EFNA5: variants seen among roughly 807,000 people sequenced by gnomAD.
EFNA5 encodes the protein ephrin-A5.
EFNA5 carries 5 observed loss-of-function variants against 22.9 expected under a neutral mutation model. That is an observed-to-expected ratio of 0.22 (90% confidence interval 0.11 to 0.46). The LOEUF is 0.46. EFNA5 is among the 20% of genes least tolerant of loss of function. The pLI, the probability that EFNA5 is intolerant of heterozygous loss-of-function variation, is 0.99. For synonymous variants in EFNA5, 113 were observed against 112.2 expected (o/e 1.01, Z -0.04); for missense variants, 237 against 293.3 (o/e 0.81, Z 1.40).
chr5:107,439,762 C>T (rs1262647579), intron 1 of EFNA5, among the ~76,000 whole-genome samples: 1 of 152,206 alleles, frequency 6.6e-6, no homozygotes, highest in East Asian at 1.9e-4. Context: ...TGTTATCTCG[C>T]TGTTTTAGCA....
At chr5:107,520,765 T>C (rs573723760) in intron 1 of EFNA5, among the ~76,000 whole-genome samples, 8 of 152,330 alleles carry the variant, frequency 5.3e-5, no homozygotes, top group Non-Finnish European at 7.4e-5. Context: ...CAACCAGATC[T>C]GCCTTAAGCA....
intron 1 of EFNA5, among the ~76,000 whole-genome samples, chr5:107,461,886 C>T (rs1749845371): frequency 6.6e-6 from 1 of 152,108 alleles, no homozygotes; most frequent in African/African-American, 2.4e-5. Context: ...GACAGCTTAA[C>T]TGAGTTATGA....
At chr5:107,590,671 G>C (rs113647360) in intron 1 of EFNA5, among the ~76,000 whole-genome samples, 2,831 of 152,168 alleles carry the variant, frequency 0.019, 93 homozygotes, top group African/African-American at 0.065. Flanking sequence ...AGGATTACAG[G>C]AGTGAGCCAC....
chr5:107,380,267 A>G lies in EFNA5; in HGVS notation c.*988T>C, dbSNP rs1317864251. ...TGCGGTCCTCTCCTTGGTACATGTCATCCCCCAGAGGAGTATCCAAAGCTA... is the reference window on the plus strand; with the variant it reads ...TGCGGTCCTCTCCTTGGTACATGTCGTCCCCCAGAGGAGTATCCAAAGCTA... On this transcript the variant is annotated 3_prime_UTR_variant, in exon 5 of 5. Transcript: ENST00000333274. 6.6e-6 allele frequency: 1 copy of G among 150,386 alleles called. No homozygotes were observed. Among genetic ancestry groups the G allele is most frequent in the Non-Finnish European group, 1.5e-5 (1 of 67,924 alleles). The allele number at this position is 150,386 out of a possible 1,614,324, so 9.3% of individuals were successfully genotyped here. A position where few individuals can be genotyped will look rare whatever the true frequency, so the allele number is the denominator to read the frequency against.
chr5:107,592,632 G>C (rs72660777), intron 1 of EFNA5, among the ~76,000 whole-genome samples: 24,010 of 152,080 alleles, frequency 0.16, 4,830 homozygotes, highest in African/African-American at 0.47. Flanking sequence ...GCACCAGGCC[G>C]CAGTCAGAAC....
chr5:107,382,270 G>A (rs1365833040), intron 4 of EFNA5, among the ~76,000 whole-genome samples: 2 of 152,354 alleles, frequency 1.3e-5, no homozygotes, highest in East Asian at 1.9e-4. Context: ...ACCAAAGAGA[G>A]GTTGGAGGCT....
chr5:107,597,261 C>T (rs1463361149), intron 1 of EFNA5, among the ~76,000 whole-genome samples: 2 of 152,140 alleles, frequency 1.3e-5, no homozygotes, highest in East Asian at 1.9e-4. Flanking sequence ...ATCTACATAC[C>T]ATAAGGTATG....
rs539674606 is a variant in EFNA5 at position 107,631,071 on chromosome 5, TGTTTTGCA to T, written c.125+39410_125+39417del. Among the ~76,000 whole-genome samples, 61 of 152,258 alleles carry T rather than the reference TGTTTTGCA, an allele frequency of 4.0e-4. 2 individuals are homozygous for T. The East Asian group carries it at 0.011, about 28-fold the overall frequency. ...ACCTTCTCAAGGACCTGCCTGAGGC[TGTTTTGCA>T]GTTAACTTTTTTTATATGTGAGTAC... On this transcript the variant is annotated intron_variant, in intron 1 of 4. Coordinates refer to ENST00000333274, the MANE Select transcript of EFNA5 (RefSeq NM_001962.3).
intron 1 of EFNA5, among the ~76,000 whole-genome samples, chr5:107,566,299 C>T (rs546057162): frequency 1.6e-4 from 25 of 151,984 alleles, no homozygotes; most frequent in Non-Finnish European, 2.8e-4. Context: ...GGGTGAGAGC[C>T]TTCTATTCTG....
chr5:107,438,829 A>T (rs1749181576), intron 1 of EFNA5, among the ~76,000 whole-genome samples: 1 of 152,142 alleles, frequency 6.6e-6, no homozygotes. Context: ...CCACTGTTGG[A>T]AGGTGGGAAG....
At chr5:107,583,627 G>A (rs957478421) in intron 1 of EFNA5, among the ~76,000 whole-genome samples, 1 of 152,104 alleles carries the variant, frequency 6.6e-6, no homozygotes, top group East Asian at 1.9e-4. Context: ...CTATGGCTAG[G>A]GAGCAAAGAC....
chr5:107,496,355 A>AAAAAAAAAAC (rs1561412638), intron 1 of EFNA5, among the ~76,000 whole-genome samples: 1 of 140,670 alleles, frequency 7.1e-6, no homozygotes, highest in African/African-American at 2.6e-5. Flanking sequence ...AAAAAAAAAC[A>AAAAAAAAAAC]AAAAAACAAA....
intron 1 of EFNA5, among the ~76,000 whole-genome samples, chr5:107,473,104 C>G (rs564122130): frequency 2.6e-4 from 39 of 152,214 alleles, no homozygotes; most frequent in African/African-American, 9.2e-4. Context: ...CAACTCTGCC[C>G]TCTTCCAAGA....
intron 1 of EFNA5, among the ~76,000 whole-genome samples, chr5:107,498,749 CT>C (rs1747055217): frequency 6.6e-6 from 1 of 152,270 alleles, no homozygotes; most frequent in South Asian, 2.1e-4. Context: ...AGCCCTGCAC[CT>C]CAGACCTCTG....
intron 1 of EFNA5, among the ~76,000 whole-genome samples, chr5:107,435,885 T>G (rs1749098191): frequency 1.3e-5 from 2 of 152,168 alleles, no homozygotes; most frequent in South Asian, 4.1e-4. Flanking sequence ...AGCATAAGAG[T>G]TTTACCTTAA....
At chr5:107,506,693 G>C (rs1357887116) in intron 1 of EFNA5, among the ~76,000 whole-genome samples, 1 of 152,156 alleles carries the variant, frequency 6.6e-6, no homozygotes, top group Non-Finnish European at 1.5e-5. Context: ...CTTGAGCATG[G>C]AAATAACATG....
chr5:107,621,979 C>T (rs1188439779), intron 1 of EFNA5, among the ~76,000 whole-genome samples: 1 of 151,268 alleles, frequency 6.6e-6, no homozygotes, highest in Non-Finnish European at 1.5e-5. Context: ...TGATCATTTT[C>T]AGAACTGTAA....
chr5:107,651,559 C>T (rs1012036880), intron 1 of EFNA5, among the ~76,000 whole-genome samples: 5 of 151,988 alleles, frequency 3.3e-5, no homozygotes, highest in Non-Finnish European at 5.9e-5. Flanking sequence ...CACAGCCGAC[C>T]GCCCAATCTC....
At chr5:107,420,100 T>A (rs1748614166) in intron 2 of EFNA5, among the ~76,000 whole-genome samples, 1 of 152,154 alleles carries the variant, frequency 6.6e-6, no homozygotes, top group Admixed American at 6.5e-5. Flanking sequence ...ATGACTAAAG[T>A]AAGGCACTGA....
Sources: gnomAD v4.1 joint callset for allele counts (sites outside exome capture counted in the v4.1 genomes callset) on GRCh38, gnomAD v4.1.1 for gene constraint, MANE v1.5 for transcripts, NCBI Gene and HGNC (gene_info 2026-07-23, HGNC 2026-07-21) for gene names.